The following RALYL variants were observed in gnomAD, a reference collection of about 807,000 sequenced individuals.
RALYL encodes RALY RNA binding protein like, also known as RNA-binding Raly-like protein.
In RALYL, 29 loss-of-function variants were observed where a neutral mutation model predicts 35.1. The observed-to-expected ratio is 0.83, with a 90% CI of 0.61 to 1.13. The LOEUF (loss-of-function observed/expected upper bound fraction) is 1.13, where lower values mean the gene tolerates loss of function less well. Among genes scored for constraint, RALYL ranks in the 50% most tolerant of loss-of-function variants. The probability of loss-of-function intolerance (pLI) is 0.00; values close to 1 mark genes in which losing one functional copy is unlikely to be tolerated. For synonymous variants in RALYL, 120 were observed against 127.6 expected (o/e 0.94, Z 0.40); for missense variants, 359 against 360.4 (o/e 1.00, Z 0.03).
chr8:84,401,219 T>TTTC (rs200619528), intron 1 of RALYL, among the ~76,000 whole-genome samples: 3,111 of 151,142 alleles, frequency 0.021, 105 homozygotes, highest in African/African-American at 0.073. Context: ...TGTGCTTTCT[T>TTTC]TTCTTCTTCT....
Position 84,830,022 on chromosome 8 carries a change from G to A in RALYL, c.366-19958G>A, listed in dbSNP as rs1001076551. On this transcript the variant is annotated intron_variant, in intron 4 of 8. Transcript: ENST00000521268. ...CAGCATTTCAGCACTATACTGGGGG[G>A]GGGGGGGCATTTTAAGCTGCAAAAT... 5.2e-4 allele frequency among the ~76,000 whole-genome samples: 74 copies of A among 141,338 alleles called. 2 individuals carry two copies. In the South Asian group the frequency reaches 9.2e-3, roughly 18 times the overall value. 92.7% of individuals were successfully genotyped at this position (141,338 alleles called of 152,430 possible). A position where few individuals can be genotyped will look rare whatever the true frequency, so the allele number is the denominator to read the frequency against.
intron 2 of RALYL, among the ~76,000 whole-genome samples, chr8:84,683,304 A>G (rs1380467998): frequency 6.6e-6 from 1 of 152,140 alleles, no homozygotes; most frequent in African/African-American, 2.4e-5. Context: ...GGTGCTGAAA[A>G]GAATGTATAT....
chr8:84,857,055 A>AAAAG (rs1554624758), intron 5 of RALYL, among the ~76,000 whole-genome samples: 12 of 151,714 alleles, frequency 7.9e-5, no homozygotes, highest in African/African-American at 2.7e-4. Flanking sequence ...AAAAAAAAAA[A>AAAAG]AAAAGAATTA....
chr8:84,573,062 AC>A (rs1454858060), intron 2 of RALYL, among the ~76,000 whole-genome samples: 5 of 151,070 alleles, frequency 3.3e-5, no homozygotes, highest in East Asian at 1.9e-4. Context: ...TACTTCCATA[AC>A]CTTTTATTGT....
At chr8:84,801,866 G>A (rs1196302445) in intron 3 of RALYL, among the ~76,000 whole-genome samples, 9 of 152,146 alleles carry the variant, frequency 5.9e-5, no homozygotes, top group Non-Finnish European at 1.0e-4. Context: ...AACATTTCAG[G>A]TGAATATGTT....
chr8:84,268,600 G>A (rs940392086), intron 1 of RALYL, among the ~76,000 whole-genome samples: 1 of 152,142 alleles, frequency 6.6e-6, no homozygotes, highest in East Asian at 1.9e-4. Flanking sequence ...AATTAGTTAA[G>A]ATACGCGGAA....
chr8:84,302,893 G>C (rs1475114035), intron 1 of RALYL, among the ~76,000 whole-genome samples: 3 of 152,162 alleles, frequency 2.0e-5, no homozygotes, highest in Non-Finnish European at 4.4e-5. Context: ...GATTAGTTAA[G>C]ATCTTACGTT....
intron 2 of RALYL, among the ~76,000 whole-genome samples, chr8:84,618,224 G>A (rs1248109500): frequency 6.6e-6 from 1 of 151,676 alleles, no homozygotes; most frequent in Non-Finnish European, 1.5e-5. Context: ...ATTTGGTCCT[G>A]GACTCTTTTT....
chr8:84,458,719 G>C (rs941167728), intron 1 of RALYL, among the ~76,000 whole-genome samples: 4 of 151,744 alleles, frequency 2.6e-5, no homozygotes, highest in African/African-American at 9.7e-5. Flanking sequence ...GTTCATAGCT[G>C]ATAGGAAGAA....
chr8:84,471,510 C>T (rs1002448088), intron 1 of RALYL, among the ~76,000 whole-genome samples: 7 of 151,814 alleles, frequency 4.6e-5, no homozygotes, highest in Admixed American at 4.6e-4. Flanking sequence ...GAGAAGATGG[C>T]TTGAGCCCAG....
At chr8:84,843,247 C>T (rs1345396677) in intron 4 of RALYL, among the ~76,000 whole-genome samples, 1 of 152,166 alleles carries the variant, frequency 6.6e-6, no homozygotes. Context: ...TCTCCTTAAG[C>T]TGATAGGCAA....
At chr8:84,857,645 C>T (rs1837318172) in intron 5 of RALYL, among the ~76,000 whole-genome samples, 3 of 152,224 alleles carry the variant, frequency 2.0e-5, no homozygotes, top group Admixed American at 1.3e-4. Flanking sequence ...AAATGCCCCA[C>T]AGCCATTAAA....
chr8:84,573,665 C>T (rs1213320108), intron 2 of RALYL, among the ~76,000 whole-genome samples: 1 of 151,754 alleles, frequency 6.6e-6, no homozygotes. Context: ...TGTTTAACAT[C>T]TTGATATTTT....
At chr8:84,891,598 T>C (rs10112387) in intron 8 of RALYL, among the ~76,000 whole-genome samples, 69,586 of 151,956 alleles carry the variant, frequency 0.46, 18,946 homozygotes, top group African/African-American at 0.75. Flanking sequence ...GGTATTATCA[T>C]TGGAGGCTTA....
intron 2 of RALYL, among the ~76,000 whole-genome samples, chr8:84,688,757 G>A (rs1837366924): frequency 1.3e-5 from 2 of 152,070 alleles, no homozygotes; most frequent in Admixed American, 6.6e-5. Flanking sequence ...CTTTTTCACA[G>A]CAAGGGAAAC....
intron 2 of RALYL, among the ~76,000 whole-genome samples, chr8:84,650,846 G>T (rs1828627962): frequency 6.6e-6 from 1 of 152,038 alleles, no homozygotes; most frequent in Non-Finnish European, 1.5e-5. Context: ...TGATAGACTG[G>T]ATTAAGAAAA....
At chr8:84,185,533 G>T (rs554775441) in intron 1 of RALYL, among the ~76,000 whole-genome samples, 1 of 152,128 alleles carries the variant, frequency 6.6e-6, no homozygotes, top group South Asian at 2.1e-4. Context: ...CACTGTGACC[G>T]AATCTGCTGG....
At chr8:84,342,276 C>CT (rs1491357366) in intron 1 of RALYL, among the ~76,000 whole-genome samples, 3,271 of 56,696 alleles carry the variant, frequency 0.058, 397 homozygotes, top group African/African-American at 0.24. Context: ...GAGCATCGTT[C>CT]AATATATATA....
intron 3 of RALYL, among the ~76,000 whole-genome samples, chr8:84,795,785 A>G (rs1488331345): frequency 6.6e-6 from 1 of 152,210 alleles, no homozygotes; most frequent in Non-Finnish European, 1.5e-5. Flanking sequence ...TGATGTTCCC[A>G]GCAGCCACCA....
Sources: gnomAD v4.1 joint callset for allele counts (sites outside exome capture counted in the v4.1 genomes callset) on GRCh38, gnomAD v4.1.1 for gene constraint, MANE v1.5 for transcripts, NCBI Gene and HGNC (gene_info 2026-07-23, HGNC 2026-07-21) for gene names.